FAM47E: variants seen among roughly 807,000 people sequenced by gnomAD.
The protein encoded by FAM47E is protein FAM47E.
Under a neutral mutation model 41.6 loss-of-function variants are expected in FAM47E, and 32 were observed. That is an observed-to-expected ratio of 0.77 (90% CI 0.58 to 1.03). The LOEUF (loss-of-function observed/expected upper bound fraction) is 1.03. Ranked by LOEUF, FAM47E falls within the 50% of genes least tolerant of loss-of-function variation. FAM47E has a pLI of 0.00. For missense variants in FAM47E, 424 were observed against 485.4 expected, an observed-to-expected ratio of 0.87 and a Z score of 1.19; for synonymous variants, 184 against 188.7, an observed-to-expected ratio of 0.98 and a Z score of 0.20.
At chr4:76,280,495 G>T (rs1420355161) in intron 7 of FAM47E, 154 bp downstream of exon 7, 2 of 532,726 alleles carry the variant, frequency 3.8e-6, no homozygotes, top group South Asian at 5.9e-5. Flanking sequence ...CTTCTCCCCA[G>T]ACGGGGACTC....
chr4:76,226,648 T>C (rs1733404097), intron 2 of FAM47E, among the ~76,000 whole-genome samples: 1 of 152,188 alleles, frequency 6.6e-6, no homozygotes, highest in African/African-American at 2.4e-5. Flanking sequence ...CTACGTTATG[T>C]CAGACAAACA....
chr4:76,274,399 C>T (rs1205853203), intron 5 of FAM47E, among the ~76,000 whole-genome samples: 1 of 144,574 alleles, frequency 6.9e-6, no homozygotes, highest in Non-Finnish European at 1.5e-5. Flanking sequence ...TAGTGAGACC[C>T]CAGTCTCTAC....
intron 2 of FAM47E, among the ~76,000 whole-genome samples, chr4:76,261,944 A>G (rs1280530927): frequency 6.6e-6 from 1 of 152,218 alleles, no homozygotes; most frequent in Non-Finnish European, 1.5e-5. Context: ...CTTTTAATAA[A>G]TTAAAGCTGC....
chr4:76,256,091 C>A, intron 1 of FAM47E, 87 bp from the exon 2 acceptor site: 1 of 1,427,278 alleles, frequency 7.0e-7, no homozygotes, highest in Non-Finnish European at 9.3e-7. Flanking sequence ...AGCCTTTTTA[C>A]TACCTCCTTC....
At chr4:76,267,135 G>C (rs28597785) in intron 3 of FAM47E, among the ~76,000 whole-genome samples, 36,360 of 152,022 alleles carry the variant, frequency 0.24, 4,791 homozygotes, top group African/African-American at 0.34. Flanking sequence ...AGGGGCTTAA[G>C]TTTATTTACA....
intron 2 of FAM47E, among the ~76,000 whole-genome samples, chr4:76,263,266 A>G (rs532720856): frequency 1.3e-5 from 2 of 152,206 alleles, no homozygotes; most frequent in East Asian, 3.9e-4. Flanking sequence ...AGTACACCTG[A>G]CTGTTTATGC....
At chr4:76,251,570 C>T, upstream of FAM47E, 1 of 1,257,212 alleles carries the variant, frequency 8.0e-7, no homozygotes, top group Non-Finnish European at 1.0e-6. Context: ...TTCCCTCGGC[C>T]AGGTCCACGT....
intron 1 of FAM47E, among the ~76,000 whole-genome samples, chr4:76,252,796 C>T (rs1334246754): frequency 6.6e-6 from 1 of 152,118 alleles, no homozygotes; most frequent in African/African-American, 2.4e-5. Flanking sequence ...GTCCCATGTA[C>T]CCTTCCCCTA....
At chr4:76,232,130 A>T (rs1246649547) in intron 2 of FAM47E, among the ~76,000 whole-genome samples, 1 of 152,250 alleles carries the variant, frequency 6.6e-6, no homozygotes, top group Non-Finnish European at 1.5e-5. Context: ...ACAGAAGTAT[A>T]CCTTGCTTAA....
intron 2 of FAM47E, among the ~76,000 whole-genome samples, chr4:76,259,185 A>G (rs983230841): frequency 6.6e-6 from 1 of 152,172 alleles, no homozygotes; most frequent in Non-Finnish European, 1.5e-5. Flanking sequence ...CACATATAAC[A>G]CCGTGGTTGC....
intron 2 of FAM47E, among the ~76,000 whole-genome samples, chr4:76,244,335 C>G (rs1432736400): frequency 6.6e-6 from 1 of 151,978 alleles, no homozygotes; most frequent in Non-Finnish European, 1.5e-5. Flanking sequence ...CCACAATGGT[C>G]GAACTAATTT....
At chr4:76,233,764 C>CA (rs1373298274) in intron 2 of FAM47E, among the ~76,000 whole-genome samples, 2 of 152,144 alleles carry the variant, frequency 1.3e-5, no homozygotes, top group Admixed American at 1.3e-4. Context: ...AAAGCCCTAT[C>CA]AAGCAGTTAC....
intron 2 of FAM47E, among the ~76,000 whole-genome samples, chr4:76,227,458 C>CAT (rs1180819524): frequency 1.3e-5 from 2 of 152,142 alleles, no homozygotes; most frequent in East Asian, 3.9e-4. Context: ...TGTGGCCTAT[C>CAT]ATATGGTCTA....
intron 3 of FAM47E, among the ~76,000 whole-genome samples, chr4:76,266,338 A>T (rs974903792): frequency 6.6e-6 from 1 of 152,236 alleles, no homozygotes; most frequent in Non-Finnish European, 1.5e-5. Context: ...CAGACTAGAC[A>T]AACCCAAAAC....
chr4:76,250,598 G>T (rs116536059), upstream of FAM47E, among the ~76,000 whole-genome samples: 912 of 152,196 alleles, frequency 6.0e-3, 17 homozygotes, highest in African/African-American at 0.021. Context: ...AATCATTCCT[G>T]CAGGACTCCA....
At chr4:76,242,638 C>T (rs1733735078) in intron 2 of FAM47E, among the ~76,000 whole-genome samples, 2 of 152,128 alleles carry the variant, frequency 1.3e-5, no homozygotes, top group South Asian at 4.1e-4. Context: ...TGCTACCAGC[C>T]TCATGTGGCA....
In FAM47E at chr4:76,263,715, GGTGCTGGAA is replaced by G. The variant is rs1734512407; in HGVS notation, c.438_446del (p.Glu147_Leu149del). On this transcript the variant is annotated inframe_deletion, in exon 3 of 8. Coordinates refer to ENST00000424749, the MANE Select transcript of FAM47E (RefSeq NM_001136570.3). ...TTTTCTGTTTGTAGCTCTTATCAAA[GGTGCTGGAA>G]GTGCTTGATCCTGACCGGAAGCTGG... 4 of 1,551,138 alleles carry G rather than the reference GGTGCTGGAA, an allele frequency of 2.6e-6. No homozygotes were observed. In the South Asian group the frequency reaches 4.8e-5, roughly 18 times the overall value.
chr4:76,219,571 C>T (rs1194054354), intron 2 of FAM47E, among the ~76,000 whole-genome samples: 1 of 151,994 alleles, frequency 6.6e-6, no homozygotes, highest in Non-Finnish European at 1.5e-5. Context: ...TGGGGAGAAG[C>T]TGTATAAACG....
chr4:76,250,955 T>A (rs1417435768), upstream of FAM47E, among the ~76,000 whole-genome samples: 1 of 152,146 alleles, frequency 6.6e-6, no homozygotes, highest in Non-Finnish European at 1.5e-5. Flanking sequence ...TACTATTATT[T>A]TCCCCATTTT....
Sources: allele counts gnomAD v4.1 joint callset (sites outside exome capture counted in the v4.1 genomes callset), GRCh38; gene constraint gnomAD v4.1.1; transcripts MANE v1.5; gene names NCBI Gene and HGNC (gene_info 2026-07-23, HGNC 2026-07-21).